Variants in CEP97 observed in about 807,000 individuals in gnomAD.
CEP97 encodes the protein centrosomal protein 97, also known as centrosomal protein of 97 kDa.
A neutral mutation model predicts 73.1 loss-of-function variants in CEP97; 43 were observed. That is an observed-to-expected ratio of 0.59 (90% CI 0.46 to 0.76). The LOEUF (loss-of-function observed/expected upper bound fraction) is 0.76. Among genes scored for constraint, CEP97 ranks in the 30% least tolerant of loss-of-function variants. The pLI is 0.00. For missense variants in CEP97, 939 were observed against 1,014.0 expected (o/e 0.93, Z 1.00); for synonymous variants, 337 against 370.0 (o/e 0.91, Z 1.02).
At position 101,724,704 on chromosome 3, in the gene CEP97, T is replaced by C. The variant is rs373337025; in HGVS notation, c.28T>C (p.Leu10=). ...GGCGGTGGCGCGCGTGGACGCGGCTTTGCCTCCCGGAGAAGGTAAGGCGAT... is the reference window on the plus strand; with the variant it reads ...GGCGGTGGCGCGCGTGGACGCGGCTCTGCCTCCCGGAGAAGGTAAGGCGAT... The part of the protein sequence containing the change: MAVARVDAA[L]PPGEGSVVNW... The change falls in exon 1 of 11, where the codon TTG becomes CTG. Residue 10 remains leucine, a synonymous_variant. Transcript: ENST00000341893. 1.3e-4 allele frequency: 215 copies of C among 1,614,066 alleles called. No individual in the cohort carries two copies. The highest frequency in any genetic ancestry group is 1.7e-4 in the Non-Finnish European group (205 of 1,180,040).
intron 6 of CEP97, among the ~76,000 whole-genome samples, chr3:101,744,421 T>TA (rs1190875244): frequency 1.3e-5 from 2 of 151,850 alleles, no homozygotes; most frequent in African/African-American, 4.8e-5. Flanking sequence ...CCGTCTCTAC[T>TA]AAAAATACAA....
Position 101,755,505 on chromosome 3 carries a change from A to G in CEP97, c.804A>G (p.Gln268=), listed in dbSNP as rs1241393417. Residue 268 remains glutamine (Q), a synonymous_variant, in exon 7 of 11, where the codon CAA becomes CAG. Transcript: ENST00000341893. ...YRPGQHIQLV[Q]YLATVCPLTS... ...CTGGCCAGCACATCCAGCTTGTCCA[A>G]TATCTGGCTACAGTCTGCCCCCTCA... The G allele has an allele frequency of 8.1e-6, 13 of 1,613,688 alleles. No individual in the cohort carries two copies. The highest frequency in any genetic ancestry group is 1.0e-5 in the Non-Finnish European group (12 of 1,179,924).
rs1939356845 is a variant in CEP97, at chr3:101,767,849, AC to A, written c.*2299del. On this transcript the variant is annotated 3_prime_UTR_variant, in exon 11 of 11. Coordinates refer to ENST00000341893, the MANE Select transcript of CEP97 (RefSeq NM_024548.4). ...TCTTGAATGTAGATAAAATGAAAATACTGTAAATTAGAGTGTAGGAAAACTG... is the reference window on the plus strand; with the variant it reads ...TCTTGAATGTAGATAAAATGAAAATATGTAAATTAGAGTGTAGGAAAACTG... 1 of 152,222 alleles carries A rather than the reference AC, an allele frequency of 6.6e-6. No homozygotes were observed. The highest frequency in any genetic ancestry group is 1.5e-5 in the Non-Finnish European group (1 of 68,034). The allele number at this position is 152,222 out of a possible 1,614,324, so 9.4% of individuals were successfully genotyped here. A position where few individuals can be genotyped will look rare whatever the true frequency, so the allele number is the denominator to read the frequency against.
In CEP97 at chr3:101,748,935, C is replaced by T. The variant is rs376858120; in HGVS notation, c.729-6495C>T. 4.0e-4 allele frequency among the ~76,000 whole-genome samples: 61 copies of T among 152,208 alleles called. No homozygotes were observed. In the East Asian group the frequency reaches 4.6e-3, roughly 12 times the overall value. ...GATTACAGGTGTGAGCCACTGCGCC[C>T]GGCCCATGGAAGGAATACTTCTAAT... On this transcript the variant is annotated intron_variant, in intron 6 of 10. Coordinates refer to ENST00000341893, the MANE Select transcript of CEP97 (RefSeq NM_024548.4).
intron 3 of CEP97, among the ~76,000 whole-genome samples, chr3:101,728,271 T>G (rs1304345241): frequency 4.0e-5 from 6 of 151,576 alleles, no homozygotes; most frequent in Non-Finnish European, 8.8e-5. Flanking sequence ...TGTTTTTTTT[T>G]TTTTTTTGAT....
At chr3:101,729,863 G>A (rs1938037403) in intron 4 of CEP97, among the ~76,000 whole-genome samples, 1 of 151,924 alleles carries the variant, frequency 6.6e-6, no homozygotes, top group African/African-American at 2.4e-5. Flanking sequence ...TGGTTGCAGT[G>A]GTGCAATCTT....
At chr3:101,758,638 T>C (rs946188392) in intron 9 of CEP97, 5 of 571,402 alleles carry the variant, frequency 8.8e-6, no homozygotes, top group African/African-American at 3.7e-5. Context: ...AAGCACTTGA[T>C]ACATAGATGC....
At chr3:101,747,121 C>T (rs1198521662) in intron 6 of CEP97, among the ~76,000 whole-genome samples, 6 of 149,980 alleles carry the variant, frequency 4.0e-5, no homozygotes, top group South Asian at 2.1e-4. Flanking sequence ...GTCAGTGTGG[C>T]GATTCCTCAG....
chr3:101,762,654 C>A, intron 10 of CEP97, 94 bp downstream of exon 10: 1 of 915,484 alleles, frequency 1.1e-6, no homozygotes, highest in Non-Finnish European at 1.6e-6. Context: ...GTATTAAGCA[C>A]TCTTGTTCAA....
Position 101,758,209 on chromosome 3 carries a change from G to A in CEP97, c.1603G>A (p.Glu535Lys), listed in dbSNP as rs756774697. The change falls in exon 9 of 11, where the codon GAG becomes AAG. Residue 535 changes from glutamate to lysine, a missense_variant. Transcript: ENST00000341893. ...AGAAACCATATCTCAAGCAACTTCA[G>A]AGAAACTTCCCATGATTTTAACCCA... ...NKETISQATS[E>K]KLPMILTQRS... 2 of 1,614,156 alleles carry A rather than the reference G, an allele frequency of 1.2e-6. No homozygotes were observed. The highest frequency in any genetic ancestry group is 3.3e-5 in the Admixed American group (2 of 60,008).
At chr3:101,750,416 A>C (rs1331701187) in intron 6 of CEP97, among the ~76,000 whole-genome samples, 1 of 152,038 alleles carries the variant, frequency 6.6e-6, no homozygotes, top group Non-Finnish European at 1.5e-5. Flanking sequence ...TATAGTTTGA[A>C]GTCAGGTAGT....
chr3:101,764,240 AG>A (rs1394023576), intron 10 of CEP97, among the ~76,000 whole-genome samples: 1 of 152,190 alleles, frequency 6.6e-6, no homozygotes, highest in African/African-American at 2.4e-5. Context: ...CCAAGGCAGA[AG>A]GATTGCTTGA....
At chr3:101,749,610 A>G (rs9756996) in intron 6 of CEP97, among the ~76,000 whole-genome samples, 92,469 of 107,666 alleles carry the variant, frequency 0.86, 39,775 homozygotes, top group East Asian at 0.96. Context: ...CAGTCCCACC[A>G]ACAGTGTAAA....
chr3:101,764,527 C>T (rs1939256515), intron 10 of CEP97, among the ~76,000 whole-genome samples: 1 of 151,742 alleles, frequency 6.6e-6, no homozygotes, highest in Non-Finnish European at 1.5e-5. Flanking sequence ...AGGAGAATTG[C>T]TTGAACCTGG....
At chr3:101,727,239 A>C (rs563667340) in intron 2 of CEP97, 144 bp from the exon 3 acceptor site, 1 of 632,618 alleles carries the variant, frequency 1.6e-6, no homozygotes, top group East Asian at 3.0e-5. Context: ...CATACTGTAG[A>C]ATATTTAGAC....
intron 7 of CEP97, among the ~76,000 whole-genome samples, chr3:101,756,486 C>G (rs1034116983): frequency 4.6e-5 from 7 of 151,826 alleles, no homozygotes; most frequent in African/African-American, 1.7e-4. Flanking sequence ...TCTTCAGACC[C>G]CCTTCAGTCC....
chr3:101,739,342 C>G (rs1429224722), intron 6 of CEP97, among the ~76,000 whole-genome samples: 1 of 152,136 alleles, frequency 6.6e-6, no homozygotes, highest in Non-Finnish European at 1.5e-5. Flanking sequence ...ATCCTGATAC[C>G]AAAACCTGGC....
chr3:101,756,981 T>G (rs1214985841), intron 7 of CEP97, 82 bp from the exon 8 acceptor site: 3 of 1,340,218 alleles, frequency 2.2e-6, no homozygotes, highest in Non-Finnish European at 2.0e-6. Context: ...ACTTCTGCCT[T>G]TTTGACATTG....
chr3:101,727,842 G>A (rs1937951467), intron 3 of CEP97, among the ~76,000 whole-genome samples: 1 of 152,138 alleles, frequency 6.6e-6, no homozygotes, highest in Non-Finnish European at 1.5e-5. Context: ...CTATAAGGGA[G>A]AATATACAGT....
Sources: allele counts gnomAD v4.1 joint callset (sites outside exome capture counted in the v4.1 genomes callset), GRCh38; gene constraint gnomAD v4.1.1; transcripts MANE v1.5; gene names NCBI Gene and HGNC (gene_info 2026-07-23, HGNC 2026-07-21).